Variants in FBN1 observed in about 807,000 individuals in gnomAD.
The protein encoded by FBN1 is fibrillin-1.
Under a neutral mutation model 365.1 loss-of-function variants are expected in FBN1, and 29 were observed. That is an observed-to-expected ratio of 0.08 (90% confidence interval 0.06 to 0.11). The LOEUF is 0.11. FBN1 is among the 10% of genes least tolerant of loss of function. The pLI is 1.00. For synonymous variants in FBN1, 1,210 were observed against 1,270.5 expected (o/e 0.95, Z 1.01); for missense variants, 2,476 against 3,703.2 (o/e 0.67, Z 8.60).
Position 48,487,393 on chromosome 15 carries a change from C to T in FBN1, c.3382G>A (p.Val1128Ile). 6.2e-7 allele frequency: 1 copy of T among 1,614,174 alleles called. No homozygotes were observed. Among genetic ancestry groups the T allele is most frequent in the Non-Finnish European group, 8.5e-7 (1 of 1,180,034 alleles). ...QRDPLLCRGG[V>I]CHNTEGSYRC... ...TAACTTCCCTCTGTGTTATGGCAAACACCACCTCGGCATAGGAGAGGATCT... is the reference window on the plus strand; with the variant it reads ...TAACTTCCCTCTGTGTTATGGCAAATACCACCTCGGCATAGGAGAGGATCT... Residue 1128 changes from valine to isoleucine, a missense_variant, in exon 28 of 66, where the codon GTT becomes ATT. By Grantham distance (29) the Val-to-Ile change is conservative (BLOSUM62 3). Coordinates refer to ENST00000316623, the MANE Select transcript of FBN1 (RefSeq NM_000138.5).
Position 48,425,841 on chromosome 15 carries a change from G to A in FBN1, c.7228C>T (p.His2410Tyr), listed in dbSNP as rs548057493. 1.9e-6 allele frequency: 3 copies of A among 1,610,736 alleles called. No homozygotes were observed. The highest frequency in any genetic ancestry group is 3.3e-5 in the Admixed American group (2 of 60,006). Residue 2410 changes from histidine (H) to tyrosine (Y), a missense_variant, in exon 59 of 66, where the codon CAC becomes TAC. His to Tyr is a moderately conservative substitution (Grantham distance 83). Coordinates refer to ENST00000316623, the MANE Select transcript of FBN1 (RefSeq NM_000138.5). Reference sequence around the variant, plus strand: ...CATTCCCCATTTCGGCAAACATCGTGAATAACCTTGCATTCATCGATATCT... The same window carrying A: ...CATTCCCCATTTCGGCAAACATCGTAAATAACCTTGCATTCATCGATATCT... ...GADIDECKVI[H>Y]DVCRNGECVN...
At chr15:48,604,692 T>A (rs1189808315) in intron 4 of FBN1, among the ~76,000 whole-genome samples, 1 of 152,148 alleles carries the variant, frequency 6.6e-6, no homozygotes, top group Non-Finnish European at 1.5e-5. Flanking sequence ...CTGAGTAGAT[T>A]CCATGCATGC....
chr15:48,450,994 T>A (rs2043197159), intron 45 of FBN1, among the ~76,000 whole-genome samples: 1 of 152,228 alleles, frequency 6.6e-6, no homozygotes, highest in Admixed American at 6.5e-5. Flanking sequence ...TTAATTCCCT[T>A]TCTTCTGAGG....
In FBN1 at chr15:48,421,560, T is replaced by G. The variant is rs2042941498; in HGVS notation, c.7697A>C (p.Glu2566Ala). ...TCGCAGCTGAAGTCTCCACCCACCT[T>G]CACAGCTGGAGCCGGTCTGATCAAG... ...FSLDQTGSSC[E>A]DVDECEGNHR... Residue 2566 changes from glutamate to alanine, a missense_variant and splice_region_variant, in exon 62 of 66, where the codon GAA becomes GCA. Around this residue, in one of 5 missense-constraint regions of FBN1, gnomAD observed 1,780 missense variants for 2,840.8 expected, o/e 0.63. Coordinates refer to ENST00000316623, the MANE Select transcript of FBN1 (RefSeq NM_000138.5). 1 of 1,612,442 alleles carries G rather than the reference T, an allele frequency of 6.2e-7. No homozygotes were observed. Among genetic ancestry groups the G allele is most frequent in the Non-Finnish European group, 8.5e-7 (1 of 1,179,668 alleles).
At chr15:48,585,376 G>A (rs949103554) in intron 6 of FBN1, among the ~76,000 whole-genome samples, 28 of 152,268 alleles carry the variant, frequency 1.8e-4, no homozygotes, top group African/African-American at 6.3e-4. Context: ...GATTATCACC[G>A]AGGGAATATG....
chr15:48,497,482 A>C (rs1325106203), intron 18 of FBN1, 91 bp from the exon 19 acceptor site: 26 of 1,274,842 alleles, frequency 2.0e-5, no homozygotes, highest in Non-Finnish European at 2.9e-5. Flanking sequence ...AAATGTAATG[A>C]CCTTAGGAGC....
rs542267762 is a variant in FBN1 at position 48,496,477 on chromosome 15, T to C, written c.2294-252A>G. Among the ~76,000 whole-genome samples the C allele has an allele frequency of 2.6e-5, 4 of 152,308 alleles. No homozygotes were observed. The East Asian group carries it at 7.7e-4, about 29-fold the overall frequency. On this transcript the variant is annotated intron_variant, in intron 19 of 65. Transcript: ENST00000316623. Reference sequence around the variant, plus strand: ...GTCACTAGGCTATTTAATTCACTTATTTCTTTAGCAGGAAGAAAATACAGA... The same window carrying C: ...GTCACTAGGCTATTTAATTCACTTACTTCTTTAGCAGGAAGAAAATACAGA...
intron 38 of FBN1, among the ~76,000 whole-genome samples, chr15:48,467,335 T>C (rs893827670): frequency 6.6e-5 from 10 of 152,304 alleles, no homozygotes; most frequent in African/African-American, 2.4e-4. Context: ...AAAGAATCCA[T>C]ACCTATCCCA....
intron 6 of FBN1, among the ~76,000 whole-genome samples, chr15:48,582,044 A>G (rs1350585665): frequency 1.3e-5 from 2 of 152,246 alleles, no homozygotes; most frequent in Non-Finnish European, 2.9e-5. Flanking sequence ...TCTCTGAGGT[A>G]TTAACACTTC....
At chr15:48,411,436 A>G (rs1453034600) in intron 65 of FBN1, 57 bp from the exon 66 acceptor site, 1 of 1,523,878 alleles carries the variant, frequency 6.6e-7, no homozygotes, top group East Asian at 2.2e-5. Context: ...CTTAGCTCTC[A>G]TATTAAAGAA....
chr15:48,645,416 G>A (rs1890288607), intron 1 of FBN1, among the ~76,000 whole-genome samples, 159 bp downstream of exon 1: 1 of 152,262 alleles, frequency 6.6e-6, no homozygotes, highest in African/African-American at 2.4e-5. Flanking sequence ...GAAGCTGTCA[G>A]GCAGGGGAGG....
intron 48 of FBN1, among the ~76,000 whole-genome samples, chr15:48,445,145 C>T (rs1237556411): frequency 9.4e-6 from 1 of 106,804 alleles, no homozygotes; most frequent in Non-Finnish European, 1.9e-5. Context: ...TACACACACA[C>T]ATATATATAT....
intron 44 of FBN1, 120 bp from the exon 45 acceptor site, chr15:48,452,804 T>C (rs995691180): frequency 6.1e-6 from 7 of 1,151,196 alleles, no homozygotes; most frequent in Non-Finnish European, 8.9e-6. Flanking sequence ...AAAGACAACA[T>C]AGATGTGTAC....
At chr15:48,455,243 C>T (rs2555470) in intron 44 of FBN1, among the ~76,000 whole-genome samples, 99,809 of 152,072 alleles carry the variant, frequency 0.66, 34,086 homozygotes, top group Middle Eastern at 0.78. Context: ...CCACAGAATG[C>T]TACCCTGACA....
intron 2 of FBN1, among the ~76,000 whole-genome samples, chr15:48,619,921 A>C (rs1858772534): frequency 6.6e-6 from 1 of 151,968 alleles, no homozygotes; most frequent in African/African-American, 2.4e-5. Flanking sequence ...TGAAGTCTGG[A>C]TACTCTACAT....
At chr15:48,516,446 A>T (rs2043803556) in intron 10 of FBN1, 84 bp from the exon 11 acceptor site, 2 of 1,401,250 alleles carry the variant, frequency 1.4e-6, no homozygotes, top group Non-Finnish European at 1.0e-6. Flanking sequence ...TTATTTTTTT[A>T]AAGATATTTT....
intron 23 of FBN1, among the ~76,000 whole-genome samples, chr15:48,493,415 T>A (rs2075874806): frequency 1.3e-5 from 2 of 152,238 alleles, no homozygotes; most frequent in African/African-American, 4.8e-5. Context: ...GAAAAAATAT[T>A]CTGAATCTTT....
chr15:48,441,156 T>A (rs1239811990), intron 50 of FBN1, among the ~76,000 whole-genome samples: 1 of 152,192 alleles, frequency 6.6e-6, no homozygotes, highest in Non-Finnish European at 1.5e-5. Flanking sequence ...AATTTGAAAG[T>A]CATTGGCAAA....
Position 48,487,321 on chromosome 15 carries a change from C to T in FBN1, c.3454G>A (p.Ala1152Thr), listed in dbSNP as rs140890215. The T allele has an allele frequency of 5.6e-5, 91 of 1,614,192 alleles. 1 individual carries two copies. Among genetic ancestry groups the T allele is most frequent in the African/African-American group, 2.3e-4 (17 of 75,058 alleles). Residue 1152 changes from alanine to threonine, a missense_variant, in exon 28 of 66, where the codon GCG becomes ACG. Physicochemically the swap from Ala to Thr is moderately conservative, Grantham distance 58. Transcript: ENST00000316623. ...PGHQLSPNISACIDINECELS... is the reference protein window; with the variant it reads ...PGHQLSPNISTCIDINECELS... ...AAGTCTTTCTCCTTACCGATACACGCGGAGATGTTGGGGGACAGCTGATGG... is the reference window on the plus strand; with the variant it reads ...AAGTCTTTCTCCTTACCGATACACGTGGAGATGTTGGGGGACAGCTGATGG...
Sources: gnomAD v4.1 joint callset for allele counts (sites outside exome capture counted in the v4.1 genomes callset) on GRCh38, gnomAD v4.1.1 for gene constraint, gnomAD v4.1.1 regional missense constraint, MANE v1.5 for transcripts, NCBI Gene and HGNC (gene_info 2026-07-23, HGNC 2026-07-21) for gene names.